STARD13: variants seen among roughly 807,000 people sequenced by gnomAD.
The protein encoded by STARD13 is stAR-related lipid transfer protein 13.
STARD13 carries 62 observed loss-of-function variants against 106.4 expected under a neutral mutation model. The observed-to-expected ratio is 0.58, with a 90% confidence interval of 0.48 to 0.72. The LOEUF (loss-of-function observed/expected upper bound fraction) is 0.72, where lower values mean the gene tolerates loss of function less well. STARD13 is among the 30% of genes least tolerant of loss of function. The pLI is 0.00. For missense variants in STARD13, 1,387 were observed against 1,424.0 expected (o/e 0.97, Z 0.42); for synonymous variants, 565 against 553.0 (o/e 1.02, Z -0.31).
chr13:33,485,877 A>C, the STARD13 span, among the ~76,000 whole-genome samples: 1 of 152,250 alleles, frequency 6.6e-6, no homozygotes, highest in African/African-American at 2.4e-5. Flanking sequence ...AGATGCAAGA[A>C]GAAAACAAGA....
chr13:33,675,813 C>T, the STARD13 span, among the ~76,000 whole-genome samples: 12 of 152,280 alleles, frequency 7.9e-5, no homozygotes, highest in African/African-American at 2.9e-4. Context: ...GAAGACTCAA[C>T]ATCTTATTTT....
intron 1 of STARD13, among the ~76,000 whole-genome samples, chr13:33,254,768 A>G (rs1234466717): frequency 6.6e-6 from 1 of 152,086 alleles, no homozygotes; most frequent in Non-Finnish European, 1.5e-5. Context: ...GTCAGAGAGG[A>G]GTTTGGCTGC....
chr13:33,561,799 T>C, the STARD13 span, among the ~76,000 whole-genome samples: 4 of 146,928 alleles, frequency 2.7e-5, no homozygotes, highest in South Asian at 4.3e-4. Context: ...GTTCCAAAGA[T>C]GTCATCATTT....
Position 33,185,684 on chromosome 13 carries a change from A to G in STARD13, c.170-18062T>C, listed in dbSNP as rs147436839. Among the ~76,000 whole-genome samples the G allele has an allele frequency of 9.0e-4, 137 of 152,252 alleles. 1 individual carries two copies. The highest frequency in any genetic ancestry group is 3.2e-3 in the African/African-American group (131 of 41,542). The stretch of plus-strand genomic sequence containing the variant: ...GGCAATTTTCCCACTGTCTAGAATG[A>G]CATTCTTCTTCTGCTTTATGTGACT... On this transcript the variant is annotated intron_variant, in intron 1 of 13. Coordinates refer to ENST00000336934, the MANE Select transcript of STARD13 (RefSeq NM_178006.4).
chr13:33,667,503 CA>C, the STARD13 span, among the ~76,000 whole-genome samples: 1 of 152,180 alleles, frequency 6.6e-6, no homozygotes, highest in African/African-American at 2.4e-5. Flanking sequence ...GGCAATTAAG[CA>C]AGTAGTTTTA....
the STARD13 span, among the ~76,000 whole-genome samples, chr13:33,382,625 G>A: frequency 6.6e-6 from 1 of 152,058 alleles, no homozygotes; most frequent in East Asian, 1.9e-4. Context: ...AACTCTAAAA[G>A]GCCATAATTT....
the STARD13 span, among the ~76,000 whole-genome samples, chr13:33,642,572 A>G: frequency 6.6e-6 from 1 of 152,200 alleles, no homozygotes; most frequent in South Asian, 2.1e-4. Context: ...AGCCCCGTTT[A>G]CAAGTTAATC....
upstream of STARD13, among the ~76,000 whole-genome samples, chr13:33,289,025 G>C (rs1018301882): frequency 2.0e-5 from 3 of 152,196 alleles, no homozygotes; most frequent in Non-Finnish European, 4.4e-5. Flanking sequence ...GAAGTGGCTA[G>C]TTCTCTCTCT....
At chr13:33,489,795 C>G in the STARD13 span, among the ~76,000 whole-genome samples, 6 of 152,190 alleles carry the variant, frequency 3.9e-5, no homozygotes, top group African/African-American at 1.4e-4. Flanking sequence ...TTTTCTTTAT[C>G]TCTGCCCATT....
At chr13:33,576,812 T>C in the STARD13 span, among the ~76,000 whole-genome samples, 1 of 152,192 alleles carries the variant, frequency 6.6e-6, no homozygotes, top group Non-Finnish European at 1.5e-5. Context: ...ATAAGGTATG[T>C]TCATAGTAAC....
Position 33,129,713 on chromosome 13 carries a change from C to G in STARD13, c.964G>C (p.Gly322Arg). The G allele has an allele frequency of 6.2e-7, 1 of 1,614,118 alleles. No individual in the cohort carries two copies. The highest frequency in any genetic ancestry group is 8.5e-7 in the Non-Finnish European group (1 of 1,180,038). The part of the protein sequence containing the change: ...QNSPPPACRK[G>R]LPCSGKSSGE... Reference sequence around the variant, plus strand: ...CTCGACTTGCCAGAGCATGGGAGCCCTTTTCTGCAGGCAGGTGGCGGCGAA... The same window carrying G: ...CTCGACTTGCCAGAGCATGGGAGCCGTTTTCTGCAGGCAGGTGGCGGCGAA... Residue 322 changes from glycine to arginine, a missense_variant, in exon 5 of 14, where the codon GGG (glycine) becomes CGG (arginine). Gly to Arg is a moderately radical substitution (Grantham distance 125, BLOSUM62 -2). Transcript: ENST00000336934.
At chr13:33,184,220 T>C (rs1481697024) in intron 1 of STARD13, among the ~76,000 whole-genome samples, 1 of 152,210 alleles carries the variant, frequency 6.6e-6, no homozygotes, top group East Asian at 1.9e-4. Flanking sequence ...TCCTGTTAGA[T>C]GTAACTGTGA....
At chr13:33,483,588 G>A in the STARD13 span, among the ~76,000 whole-genome samples, 1 of 152,194 alleles carries the variant, frequency 6.6e-6, no homozygotes, top group African/African-American at 2.4e-5. Context: ...AAACTCACCA[G>A]ATCACTCCAT....
chr13:33,614,185 A>T, the STARD13 span, among the ~76,000 whole-genome samples: 3 of 152,102 alleles, frequency 2.0e-5, no homozygotes, highest in Non-Finnish European at 4.4e-5. Context: ...CTTGGCAACC[A>T]GCTCAGCTTG....
At chr13:33,165,955 T>A (rs1271156637) in intron 2 of STARD13, among the ~76,000 whole-genome samples, 2 of 152,174 alleles carry the variant, frequency 1.3e-5, no homozygotes, top group Non-Finnish European at 1.5e-5. Context: ...ACTACTTCCC[T>A]CCAACAGACA....
intron 1 of STARD13, among the ~76,000 whole-genome samples, chr13:33,191,327 TG>T (rs1311127010): frequency 6.6e-6 from 1 of 152,226 alleles, no homozygotes; most frequent in Non-Finnish European, 1.5e-5. Flanking sequence ...GCTAGCTACT[TG>T]TATGACCTTG....
chr13:33,276,370 G>T (rs867469486), intron 1 of STARD13, among the ~76,000 whole-genome samples: 15 of 152,162 alleles, frequency 9.9e-5, no homozygotes, highest in Admixed American at 7.2e-4. Context: ...GTCCCTCAAA[G>T]CATCTGGAGA....
the STARD13 span, among the ~76,000 whole-genome samples, chr13:33,633,022 TTCAATGGACTTATC>T: frequency 1.3e-5 from 2 of 152,316 alleles, no homozygotes; most frequent in Admixed American, 1.3e-4. Context: ...TTTTATTTTG[TTCAATGGACTTATC>T]TTGAAATTCT....
chr13:33,173,635 A>G (rs1201984500), intron 1 of STARD13, among the ~76,000 whole-genome samples: 1 of 152,200 alleles, frequency 6.6e-6, no homozygotes, highest in Non-Finnish European at 1.5e-5. Flanking sequence ...TAATATTCAT[A>G]ACATTTTCTT....
Sources: gnomAD v4.1 joint callset for allele counts (sites outside exome capture counted in the v4.1 genomes callset) on GRCh38, gnomAD v4.1.1 for gene constraint, MANE v1.5 for transcripts, NCBI Gene and HGNC (gene_info 2026-07-23, HGNC 2026-07-21) for gene names.